Variants in CDH13 observed in about 807,000 individuals in gnomAD.
CDH13 encodes cadherin 13, also known as cadherin-13.
CDH13 carries 24 observed loss-of-function variants against 63.8 expected under a neutral mutation model. The ratio of observed to expected loss-of-function variants is 0.38; its 90% confidence interval spans 0.27 to 0.53. The LOEUF (loss-of-function observed/expected upper bound fraction) is 0.53. CDH13 is among the 20% of genes least tolerant of loss of function. CDH13 has a pLI of 0.85. For synonymous variants in CDH13, 503 were observed against 355.3 expected, an observed-to-expected ratio of 1.42 and a Z score of -4.67; for missense variants, 1,049 against 903.1, an observed-to-expected ratio of 1.16 and a Z score of -2.07.
intron 2 of CDH13, among the ~76,000 whole-genome samples, chr16:82,931,873 AC>A (rs2151296187): frequency 6.6e-6 from 1 of 152,278 alleles, no homozygotes; most frequent in South Asian, 2.1e-4. Context: ...TATGGGAGCT[AC>A]AATTCAAGAT....
intron 6 of CDH13, among the ~76,000 whole-genome samples, chr16:83,399,490 T>G (rs1484633283): frequency 6.6e-6 from 1 of 152,200 alleles, no homozygotes; most frequent in Non-Finnish European, 1.5e-5. Context: ...ATGTGACCAC[T>G]ATGTCTCTCT....
intron 1 of CDH13, among the ~76,000 whole-genome samples, chr16:82,785,787 C>T (rs1022114529): frequency 5.3e-5 from 8 of 152,092 alleles, no homozygotes; most frequent in East Asian, 1.9e-4. Flanking sequence ...GTCGCGGTAC[C>T]GCAAAAGAAA....
intron 6 of CDH13, among the ~76,000 whole-genome samples, chr16:83,345,681 C>T (rs1473868295): frequency 6.6e-6 from 1 of 152,102 alleles, no homozygotes; most frequent in Non-Finnish European, 1.5e-5. Flanking sequence ...TAAAGTATCC[C>T]ACAGCCAGCA....
chr16:83,032,335 G>C (rs111370214), intron 3 of CDH13, 117 bp downstream of exon 3: 3 of 776,132 alleles, frequency 3.9e-6, no homozygotes, highest in African/African-American at 3.5e-5. Context: ...TGTTATTGTT[G>C]TTGCAAATGA....
chr16:83,034,281 G>T lies in CDH13; in HGVS notation c.366+2063G>T, dbSNP rs1278623939. ...TGATCATTTAGTGGTGTTTCTGAGG[G>T]TGGAACCTATCTGCCATTCCTGGGC... On this transcript the variant is annotated intron_variant, in intron 3 of 13. Transcript: ENST00000567109. Among the ~76,000 whole-genome samples the T allele has an allele frequency of 3.9e-5, 6 of 152,114 alleles. 1 individual carries two copies. Among genetic ancestry groups the T allele is most frequent in the Admixed American group, 3.9e-4 (6 of 15,274 alleles).
chr16:82,994,010 G>A (rs574679749), intron 2 of CDH13, among the ~76,000 whole-genome samples: 30 of 152,224 alleles, frequency 2.0e-4, no homozygotes, highest in South Asian at 8.3e-4. Context: ...TTTCAGGAAC[G>A]GAAATGTCTT....
intron 1 of CDH13, among the ~76,000 whole-genome samples, chr16:82,724,034 T>G (rs999083860): frequency 1.3e-5 from 2 of 152,214 alleles, no homozygotes; most frequent in Non-Finnish European, 2.9e-5. Context: ...ACAACTTCAT[T>G]GGTACTCTCT....
At chr16:83,114,149 GT>G (rs2035191748) in intron 3 of CDH13, among the ~76,000 whole-genome samples, 2 of 152,166 alleles carry the variant, frequency 1.3e-5, no homozygotes, top group African/African-American at 4.8e-5. Flanking sequence ...TATTCATTAC[GT>G]TAGGAATGTA....
At chr16:83,472,149 C>G (rs1000644692) in intron 6 of CDH13, among the ~76,000 whole-genome samples, 1 of 152,116 alleles carries the variant, frequency 6.6e-6, no homozygotes, top group African/African-American at 2.4e-5. Context: ...AGGTGAAAAC[C>G]ATTACTGTCC....
chr16:82,871,835 A>T (rs1447196853), intron 2 of CDH13, among the ~76,000 whole-genome samples: 1 of 152,134 alleles, frequency 6.6e-6, no homozygotes, highest in Non-Finnish European at 1.5e-5. Flanking sequence ...TCACTCTCAG[A>T]GGGTTTCCCT....
intron 2 of CDH13, among the ~76,000 whole-genome samples, chr16:82,873,916 C>A (rs781180320): frequency 6.6e-6 from 1 of 152,118 alleles, no homozygotes; most frequent in Non-Finnish European, 1.5e-5. Flanking sequence ...TGTTCTCCCC[C>A]ACCCCTGACC....
At chr16:83,581,450 C>G (rs1402669197) in intron 7 of CDH13, among the ~76,000 whole-genome samples, 2 of 152,212 alleles carry the variant, frequency 1.3e-5, no homozygotes, top group African/African-American at 4.8e-5. Flanking sequence ...AGTTTCTCCT[C>G]CAAAATATCC....
rs534076302 is a variant in CDH13 at position 82,941,862 on chromosome 16, G to T, written c.157+83389G>T. Among the ~76,000 whole-genome samples the T allele has an allele frequency of 4.6e-5, 7 of 152,246 alleles. No homozygotes were observed. The East Asian group carries it at 1.4e-3, about 29-fold the overall frequency. ...CACTTATATTCATACCCAGGAAGTT[G>T]TTCTCCAGAATATAACAGTTCTCTT... On this transcript the variant is annotated intron_variant, in intron 2 of 13. Coordinates refer to ENST00000567109, the MANE Select transcript of CDH13 (RefSeq NM_001257.5).
At chr16:83,037,661 G>T (rs762694123) in intron 3 of CDH13, among the ~76,000 whole-genome samples, 1 of 152,160 alleles carries the variant, frequency 6.6e-6, no homozygotes, top group Non-Finnish European at 1.5e-5. Context: ...TTATAGAGAT[G>T]TCCAGGAGTC....
At chr16:83,027,710 A>C (rs566986363) in intron 2 of CDH13, among the ~76,000 whole-genome samples, 1 of 152,306 alleles carries the variant, frequency 6.6e-6, no homozygotes, top group Admixed American at 6.5e-5. Flanking sequence ...TGTGGCCCCC[A>C]GTACCCCACA....
intron 6 of CDH13, among the ~76,000 whole-genome samples, chr16:83,454,171 G>C (rs1034613064): frequency 6.6e-6 from 1 of 152,154 alleles, no homozygotes; most frequent in Non-Finnish European, 1.5e-5. Flanking sequence ...TATATTAAGG[G>C]GTGATGACTC....
chr16:83,064,202 G>A (rs1332705831), intron 3 of CDH13, among the ~76,000 whole-genome samples: 2 of 152,050 alleles, frequency 1.3e-5, no homozygotes, highest in African/African-American at 2.4e-5. Flanking sequence ...AACCCCATCT[G>A]TATCAAAAAT....
intron 4 of CDH13, among the ~76,000 whole-genome samples, chr16:83,201,744 TA>T (rs556572476): frequency 0.016 from 2,136 of 132,032 alleles, 25 homozygotes; most frequent in African/African-American, 0.035. Context: ...AAAAAAAAAT[TA>T]AAAAAAAAAA....
chr16:83,570,608 G>A (rs1409159701), intron 7 of CDH13, among the ~76,000 whole-genome samples: 2 of 151,280 alleles, frequency 1.3e-5, no homozygotes, highest in African/African-American at 4.9e-5. Flanking sequence ...AAAGACGGCT[G>A]GGGAGCTCAA....
Sources: gnomAD v4.1 joint callset for allele counts (sites outside exome capture counted in the v4.1 genomes callset) on GRCh38, gnomAD v4.1.1 for gene constraint, MANE v1.5 for transcripts, NCBI Gene and HGNC (gene_info 2026-07-23, HGNC 2026-07-21) for gene names.